SEMA3C: variants seen among roughly 807,000 people sequenced by gnomAD.
The protein encoded by SEMA3C is semaphorin-3C.
SEMA3C carries 47 observed loss-of-function variants against 89.4 expected under a neutral mutation model. The observed-to-expected ratio is 0.53, with a 90% confidence interval of 0.42 to 0.67. SEMA3C has a LOEUF of 0.67. SEMA3C is among the 30% of genes least tolerant of loss of function. SEMA3C has a pLI of 0.00. For missense variants in SEMA3C, 839 were observed against 929.1 expected (o/e 0.90, Z 1.26); for synonymous variants, 310 against 320.2 (o/e 0.97, Z 0.34).
intron 2 of SEMA3C, among the ~76,000 whole-genome samples, chr7:80,839,701 GA>G (rs1471609317): frequency 6.6e-6 from 1 of 151,950 alleles, no homozygotes; most frequent in Non-Finnish European, 1.5e-5. Context: ...TGGTGGGACA[GA>G]AATATAAAGA....
intron 10 of SEMA3C, 23 bp from the exon 11 acceptor site, chr7:80,798,259 G>A: frequency 2.9e-6 from 4 of 1,392,008 alleles, no homozygotes; most frequent in East Asian, 2.8e-5. Flanking sequence ...ACAGAAAAAG[G>A]CATTTTCAAA....
chr7:80,839,480 G>A (rs1465899775), intron 2 of SEMA3C, among the ~76,000 whole-genome samples: 2 of 151,946 alleles, frequency 1.3e-5, no homozygotes, highest in Non-Finnish European at 2.9e-5. Flanking sequence ...TGGAGCTCAG[G>A]GTAAATAAGT....
intron 2 of SEMA3C, among the ~76,000 whole-genome samples, chr7:80,880,439 T>C (rs1177271300): frequency 1.3e-5 from 2 of 152,212 alleles, no homozygotes; most frequent in Non-Finnish European, 2.9e-5. Context: ...GCTAAGTATC[T>C]GTTAAATGAA....
intron 4 of SEMA3C, among the ~76,000 whole-genome samples, chr7:80,826,132 CT>C (rs1224987635): frequency 6.6e-6 from 1 of 152,102 alleles, no homozygotes; most frequent in Non-Finnish European, 1.5e-5. Context: ...ACTTTTGCAA[CT>C]TTACACCTGG....
intron 2 of SEMA3C, among the ~76,000 whole-genome samples, chr7:80,841,363 T>G (rs911497178): frequency 3.9e-5 from 6 of 152,154 alleles, no homozygotes; most frequent in Non-Finnish European, 7.4e-5. Flanking sequence ...AAATGCAACT[T>G]ATACATATTC....
At chr7:80,875,000 C>T (rs989674702) in intron 2 of SEMA3C, among the ~76,000 whole-genome samples, 2 of 151,668 alleles carry the variant, frequency 1.3e-5, no homozygotes, top group African/African-American at 2.4e-5. Context: ...AGGACAATTG[C>T]TTGAACTTGG....
Position 80,789,338 on chromosome 7 carries a change from T to C in SEMA3C, c.1322A>G (p.Asp441Gly), listed in dbSNP as rs775928054. 6.2e-7 allele frequency: 1 copy of C among 1,613,944 alleles called. No individual in the cohort carries two copies. Among genetic ancestry groups the C allele is most frequent in the Non-Finnish European group, 8.5e-7 (1 of 1,179,902 alleles). ...KIAVDRVNAADGRYHVLFLGT... is the reference protein window; with the variant it reads ...KIAVDRVNAAGGRYHVLFLGT... ...GAGAAACAGGACATGGTATCTCCCA[T>C]CAGCAGCGTTCACTCGATCCACAGC... Residue 441 changes from aspartate (D) to glycine (G), a missense_variant, in exon 12 of 18, where the codon GAT (aspartate) becomes GGT (glycine). By Grantham distance (94) the Asp-to-Gly change is moderately conservative. Coordinates refer to ENST00000265361, the MANE Select transcript of SEMA3C (RefSeq NM_006379.5).
At chr7:80,872,797 C>CAAAA (rs1218885274) in intron 2 of SEMA3C, among the ~76,000 whole-genome samples, 7 of 40,066 alleles carry the variant, frequency 1.7e-4, no homozygotes, top group Non-Finnish European at 2.8e-4. Context: ...GAGACTCTGT[C>CAAAA]AAAAAAAAAA....
intron 16 of SEMA3C, 75 bp from the exon 17 acceptor site, chr7:80,749,103 T>C: frequency 7.1e-7 from 1 of 1,407,084 alleles, no homozygotes; most frequent in South Asian, 1.5e-5. Context: ...CCTGTAGAAA[T>C]GCTATATACA....
intron 2 of SEMA3C, among the ~76,000 whole-genome samples, chr7:80,884,348 C>T (rs376815768): frequency 2.6e-5 from 4 of 152,162 alleles, no homozygotes; most frequent in South Asian, 4.1e-4. Context: ...TTGACTCTAA[C>T]ATAGAGGACT....
Position 80,751,458 on chromosome 7 carries a change from A to T in SEMA3C, c.1644-122T>A, listed in dbSNP as rs1787933990. On this transcript the variant is annotated intron_variant, in intron 15 of 17. Coordinates refer to ENST00000265361, the MANE Select transcript of SEMA3C (RefSeq NM_006379.5). ...TTGCTAAGCTTTCATAAAATTTTTT[A>T]AAAAGAGTTCTGATTGATGCAGCTA... The T allele has an allele frequency of 5.0e-6, 4 of 796,464 alleles. No homozygotes were observed. In the Admixed American group the frequency reaches 6.5e-5, roughly 13 times the overall value. The allele number at this position is 796,464 out of a possible 1,614,324, so 49.3% of individuals were successfully genotyped here.
chr7:80,853,918 A>G lies in SEMA3C; in HGVS notation c.104-25173T>C, dbSNP rs1259855146. ...TGTGTGTGTGTGTGTGTGTGTGTGT[A>G]TACACACCTGCTATGTACCCATGAA... On this transcript the variant is annotated intron_variant, in intron 2 of 17. Coordinates refer to ENST00000265361, the MANE Select transcript of SEMA3C (RefSeq NM_006379.5). Among the ~76,000 whole-genome samples the G allele has an allele frequency of 2.7e-5, 4 of 148,918 alleles. No homozygotes were observed. In the East Asian group the frequency reaches 5.9e-4, roughly 22 times the overall value.
intron 2 of SEMA3C, among the ~76,000 whole-genome samples, chr7:80,865,515 C>T (rs540687765): frequency 2.0e-5 from 3 of 152,006 alleles, no homozygotes; most frequent in Non-Finnish European, 2.9e-5. Context: ...AGTCCGGGTG[C>T]GGTGGCTCAC....
chr7:80,802,528 T>A, intron 9 of SEMA3C, 137 bp downstream of exon 9: 1 of 564,246 alleles, frequency 1.8e-6, no homozygotes, highest in East Asian at 2.9e-5. Context: ...ATGAACAGTA[T>A]CTAGATAATT....
chr7:80,909,136 C>T (rs1792086771), intron 2 of SEMA3C, among the ~76,000 whole-genome samples: 1 of 151,986 alleles, frequency 6.6e-6, no homozygotes, highest in Non-Finnish European at 1.5e-5. Flanking sequence ...GATATATATC[C>T]TCTCTCCATA....
In SEMA3C at chr7:80,881,164, AACACACACACACAC is replaced by A. The variant is rs71802410; in HGVS notation, c.103+35501_103+35514del. ...GTTACTTTTGTTGCCTGGAGAAAGA[AACACACACACACAC>A]ACACACACACACACACACACACACA... On this transcript the variant is annotated intron_variant, in intron 2 of 17. Coordinates refer to ENST00000265361, the MANE Select transcript of SEMA3C (RefSeq NM_006379.5). 2.3e-3 allele frequency among the ~76,000 whole-genome samples: 316 copies of A among 135,530 alleles called. 3 individuals carry two copies. The highest frequency in any genetic ancestry group is 7.0e-3 in the African/African-American group (259 of 36,912). 88.9% of individuals were successfully genotyped at this position (135,530 alleles called of 152,430 possible).
In SEMA3C at chr7:80,836,897, C is replaced by G. The variant is rs564941652; in HGVS notation, c.104-8152G>C. 1.0e-3 allele frequency among the ~76,000 whole-genome samples: 158 copies of G among 152,244 alleles called. 1 individual carries two copies. The highest frequency in any genetic ancestry group is 3.7e-3 in the African/African-American group (154 of 41,556). On this transcript the variant is annotated intron_variant, in intron 2 of 17. Transcript: ENST00000265361. ...TGCCCTCTTTCATTCTCAAAAGATT[C>G]ATGTTTTGGAAGTTAAATTATATGG...
At chr7:80,831,172 G>A (rs954947344) in intron 2 of SEMA3C, among the ~76,000 whole-genome samples, 2 of 152,154 alleles carry the variant, frequency 1.3e-5, no homozygotes, top group African/African-American at 2.4e-5. Flanking sequence ...ACAGACTAGC[G>A]CAGTAAAATA....
intron 15 of SEMA3C, among the ~76,000 whole-genome samples, chr7:80,754,512 G>T (rs1295435163): frequency 1.6e-5 from 2 of 124,922 alleles, no homozygotes. Flanking sequence ...ATCTTCAAAG[G>T]AAAATGAAAA....
Sources: gnomAD v4.1 joint callset for allele counts (sites outside exome capture counted in the v4.1 genomes callset) on GRCh38, gnomAD v4.1.1 for gene constraint, MANE v1.5 for transcripts, NCBI Gene and HGNC (gene_info 2026-07-23, HGNC 2026-07-21) for gene names.